TPCN2: variants seen among roughly 807,000 people sequenced by gnomAD.
TPCN2 encodes two pore segment channel 2.
A neutral mutation model predicts 111.4 loss-of-function variants in TPCN2; 92 were observed. That is an observed-to-expected ratio of 0.83 (90% confidence interval 0.70 to 0.98). The LOEUF (loss-of-function observed/expected upper bound fraction) is 0.98, where lower values mean the gene tolerates loss of function less well. Ranked by LOEUF, TPCN2 falls within the 50% of genes least tolerant of loss-of-function variation. The pLI, the probability that TPCN2 is intolerant of heterozygous loss-of-function variation, is 0.00. For missense variants in TPCN2, 995 were observed against 980.1 expected, an observed-to-expected ratio of 1.02 and a Z score of -0.20; for synonymous variants, 405 against 414.5, an observed-to-expected ratio of 0.98 and a Z score of 0.28.
chr11:69,064,052 T>A, intron 7 of TPCN2, 85 bp downstream of exon 7: 2 of 1,332,292 alleles, frequency 1.5e-6, no homozygotes, highest in Non-Finnish European at 2.1e-6. Context: ...TCTGCTGCCC[T>A]GGCCTAACCC....
At chr11:69,087,719 A>G (rs1435208038) in intron 24 of TPCN2, among the ~76,000 whole-genome samples, 156 bp from the exon 25 acceptor site, 1 of 151,824 alleles carries the variant, frequency 6.6e-6, no homozygotes, top group African/African-American at 2.4e-5. Flanking sequence ...TCTAGTGGCT[A>G]CATCCATCCT....
chr11:69,073,419 G>A (rs1343319743), intron 13 of TPCN2, among the ~76,000 whole-genome samples: 1 of 152,244 alleles, frequency 6.6e-6, no homozygotes, highest in South Asian at 2.1e-4. Context: ...GGCCAGGTGG[G>A]TGGAGACAGT....
At chr11:69,079,113 G>T in intron 16 of TPCN2, 93 bp downstream of exon 16, 1 of 1,454,952 alleles carries the variant, frequency 6.9e-7, no homozygotes, top group Non-Finnish European at 9.2e-7. Flanking sequence ...CTCCCCTGAG[G>T]ACTAGAGGCT....
chr11:69,083,107 G>A (rs1856115502), intron 18 of TPCN2: 1 of 152,660 alleles, frequency 6.6e-6, no homozygotes, highest in Non-Finnish European at 1.5e-5. Context: ...ATGTGAACTT[G>A]TGCCCGTGTA....
chr11:69,080,653 G>T (rs1055439676), intron 17 of TPCN2, among the ~76,000 whole-genome samples: 24 of 152,200 alleles, frequency 1.6e-4, no homozygotes, highest in Non-Finnish European at 1.6e-4. Context: ...GCTGGGAGTC[G>T]CTTGGTGGGG....
At chr11:69,084,578 GCCCCA>G (rs1856191565) in intron 19 of TPCN2, 13 of 985,288 alleles carry the variant, frequency 1.3e-5, no homozygotes, top group African/African-American at 1.7e-5. Flanking sequence ...GACCAGGCAG[GCCCCA>G]GATCCGCGCC....
intron 19 of TPCN2, 26 bp downstream of exon 19, chr11:69,084,042 C>A (rs375525448): frequency 6.2e-7 from 1 of 1,611,718 alleles, no homozygotes; most frequent in Non-Finnish European, 8.5e-7. Context: ...CTGCTGGTGG[C>A]GGGTTATGCA....
intron 1 of TPCN2, among the ~76,000 whole-genome samples, chr11:69,049,522 C>G (rs1335026853): frequency 6.6e-6 from 1 of 152,246 alleles, no homozygotes; most frequent in African/African-American, 2.4e-5. Flanking sequence ...TGATTTTTCC[C>G]GTTTCTTCTG....
At chr11:69,084,918 C>T (rs935693256) in intron 19 of TPCN2, 39 of 666,474 alleles carry the variant, frequency 5.9e-5, no homozygotes, top group African/African-American at 1.6e-4. Context: ...CTGGGGTTGG[C>T]GGGCAGCCTG....
chr11:69,084,299 G>A (rs1220415410), intron 19 of TPCN2, among the ~76,000 whole-genome samples: 1 of 152,214 alleles, frequency 6.6e-6, no homozygotes, highest in Non-Finnish European at 1.5e-5. Flanking sequence ...TGAGTCTCTC[G>A]TGTTTTCTGG....
At chr11:69,054,936 C>G in intron 3 of TPCN2, 139 bp downstream of exon 3, 1 of 933,258 alleles carries the variant, frequency 1.1e-6, no homozygotes, top group Non-Finnish European at 1.6e-6. Flanking sequence ...CCATCATCCT[C>G]TCTGGAAAGG....
chr11:69,057,667 C>CGTGTCCCT lies in TPCN2; in HGVS notation c.521_528dup (p.Ser177CysfsTer3). The CGTGTCCCT allele has an allele frequency of 1.2e-6, 2 of 1,614,160 alleles. No individual in the cohort carries two copies. Among genetic ancestry groups the CGTGTCCCT allele is most frequent in the Non-Finnish European group, 1.7e-6 (2 of 1,180,000 alleles). On this transcript the variant is annotated frameshift_variant, in exon 5 of 25. Transcript: ENST00000294309. LOFTEE classifies it high-confidence loss of function. ...TGGTGGTGTCTCTGGTGGACTGGAC[C>CGTGTCCCT]GTGTCCCTGAGTCTCGTGTGTCATG... is the stretch of plus-strand genomic sequence containing the variant.
In TPCN2 at chr11:69,049,122, C is replaced by T. The variant is rs1257924042; in HGVS notation, c.109+16C>T. 5.8e-5 allele frequency: 72 copies of T among 1,233,620 alleles called. No individual in the cohort carries two copies. Among genetic ancestry groups the T allele is most frequent in the Non-Finnish European group, 6.7e-5 (66 of 981,104 alleles). The allele number at this position is 1,233,620 out of a possible 1,614,324, so 76.4% of individuals were successfully genotyped here. A position where few individuals can be genotyped will look rare whatever the true frequency, so the allele number is the denominator to read the frequency against. On this transcript the variant is annotated intron_variant, in intron 1 of 24. Coordinates refer to ENST00000294309, the MANE Select transcript of TPCN2 (RefSeq NM_139075.4). ...GTCGGCCCTGGTGAGCCGCCCGGAC[C>T]TGGGGAGGGGACTGGCCCGGGAGAC...
intron 1 of TPCN2, among the ~76,000 whole-genome samples, chr11:69,052,227 G>T (rs572781829): frequency 6.6e-6 from 1 of 152,252 alleles, no homozygotes; most frequent in East Asian, 1.9e-4. Context: ...TGTCTAAGAA[G>T]CTTGTATCAC....
chr11:69,054,629 A>T, intron 2 of TPCN2, 92 bp from the exon 3 acceptor site: 1 of 1,214,968 alleles, frequency 8.2e-7, no homozygotes, highest in South Asian at 1.3e-5. Context: ...ACAGCCTGAG[A>T]CTTGGGCCTG....
At chr11:69,052,465 A>C (rs930819998) in intron 1 of TPCN2, among the ~76,000 whole-genome samples, 14 of 152,144 alleles carry the variant, frequency 9.2e-5, no homozygotes, top group South Asian at 2.1e-4. Context: ...GGACATAAAC[A>C]GTAGCCACTT....
rs76930383 is a variant in TPCN2 at position 69,060,391 on chromosome 11, C to T, written c.547-2493C>T. On this transcript the variant is annotated intron_variant, in intron 5 of 24. Transcript: ENST00000294309. The stretch of plus-strand genomic sequence containing the variant: ...CCAGCTGTCCAGTCATAAAGAACTC[C>T]TACAGGCATGGGGTGGCTTGCAGGG... 6.7e-3 allele frequency among the ~76,000 whole-genome samples: 1,015 copies of T among 152,308 alleles called. 60 individuals are homozygous for T. The East Asian group carries it at 0.14, about 22-fold the overall frequency.
intron 1 of TPCN2, among the ~76,000 whole-genome samples, chr11:69,052,832 G>A (rs559291404): frequency 6.6e-6 from 1 of 152,220 alleles, no homozygotes; most frequent in African/African-American, 2.4e-5. Flanking sequence ...TTGTCTTGGT[G>A]CAGCTGTGGG....
At chr11:69,071,458 G>T (rs1426731112) in intron 10 of TPCN2, 38 bp downstream of exon 10, 1 of 1,588,160 alleles carries the variant, frequency 6.3e-7, no homozygotes, top group South Asian at 1.1e-5. Context: ...GCCTGGAGCT[G>T]CCGGGAGGCC....
Sources: allele counts gnomAD v4.1 joint callset (sites outside exome capture counted in the v4.1 genomes callset), GRCh38; gene constraint gnomAD v4.1.1; transcripts MANE v1.5; gene names NCBI Gene and HGNC (gene_info 2026-07-23, HGNC 2026-07-21).